The following CENPP variants were observed in gnomAD, a reference collection of about 807,000 sequenced individuals.
CENPP encodes centromere protein P.
Under a neutral mutation model 35.6 loss-of-function variants are expected in CENPP, and 24 were observed. The ratio of observed to expected loss-of-function variants is 0.67; its 90% CI spans 0.49 to 0.95. The LOEUF is 0.95. CENPP is among the 40% of genes least tolerant of loss of function. The probability of loss-of-function intolerance (pLI) is 0.00; values close to 1 mark genes in which losing one functional copy is unlikely to be tolerated. For synonymous variants in CENPP, 120 were observed against 125.5 expected, an observed-to-expected ratio of 0.96 and a Z score of 0.29; for missense variants, 332 against 345.3, an observed-to-expected ratio of 0.96 and a Z score of 0.31.
At chr9:92,401,041 T>G in intron 5 of CENPP, 1 of 850,212 alleles carries the variant, frequency 1.2e-6, no homozygotes. Flanking sequence ...ATAAAGTCCA[T>G]TATAGCTATT....
intron 5 of CENPP, among the ~76,000 whole-genome samples, chr9:92,538,865 A>T (rs1169384974): frequency 6.6e-6 from 1 of 152,198 alleles, no homozygotes; most frequent in Non-Finnish European, 1.5e-5. Flanking sequence ...AGACTCTAGG[A>T]CATTTCTTTC....
rs557327685 is a variant in CENPP, at chr9:92,390,591, C to T, written c.564+10732C>T. Among the ~76,000 whole-genome samples the T allele has an allele frequency of 1.8e-4, 26 of 141,674 alleles. No individual in the cohort carries two copies. The South Asian group carries it at 4.0e-3, about 22-fold the overall frequency. The allele number at this position is 141,674 out of a possible 152,430, so 92.9% of individuals were successfully genotyped here. On this transcript the variant is annotated intron_variant, in intron 5 of 7. Transcript: ENST00000375587. Reference sequence around the variant, plus strand: ...GTGTGTGTGTGTGTGTGTGTGTGCGCGCGCGCGTACTTGCGTGTGCATCAC... The same window carrying T: ...GTGTGTGTGTGTGTGTGTGTGTGCGTGCGCGCGTACTTGCGTGTGCATCAC...
At chr9:92,393,989 A>G (rs1842792041) in intron 5 of CENPP, among the ~76,000 whole-genome samples, 1 of 152,122 alleles carries the variant, frequency 6.6e-6, no homozygotes, top group Non-Finnish European at 1.5e-5. Context: ...CTCACTGAGT[A>G]AAGTTAATAT....
At chr9:92,569,486 T>C (rs1850080178) in intron 5 of CENPP, among the ~76,000 whole-genome samples, 2 of 152,210 alleles carry the variant, frequency 1.3e-5, no homozygotes, top group African/African-American at 4.8e-5. Flanking sequence ...ACTGTAGCCT[T>C]GTAGTATAGT....
At chr9:92,448,656 A>G (rs1266348500) in intron 5 of CENPP, among the ~76,000 whole-genome samples, 1 of 152,196 alleles carries the variant, frequency 6.6e-6, no homozygotes, top group East Asian at 1.9e-4. Context: ...ATGGGGCCAC[A>G]GGAATGGGAT....
At chr9:92,467,340 T>G (rs1016552396) in intron 5 of CENPP, among the ~76,000 whole-genome samples, 12 of 152,184 alleles carry the variant, frequency 7.9e-5, no homozygotes, top group African/African-American at 2.9e-4. Context: ...TTATGGGATG[T>G]GGGGATTTCA....
At chr9:92,579,348 G>A (rs1295249373) in intron 5 of CENPP, among the ~76,000 whole-genome samples, 3 of 148,046 alleles carry the variant, frequency 2.0e-5, no homozygotes, top group African/African-American at 7.4e-5. Flanking sequence ...AAAGTCATTG[G>A]TAGCTTGATG....
chr9:92,562,567 T>C (rs568622506), intron 5 of CENPP, among the ~76,000 whole-genome samples: 47 of 152,244 alleles, frequency 3.1e-4, no homozygotes, highest in African/African-American at 1.1e-3. Flanking sequence ...CTCTTTCATA[T>C]TGTAGGGTGT....
intron 5 of CENPP, among the ~76,000 whole-genome samples, chr9:92,566,600 C>T (rs537883617): frequency 2.0e-5 from 3 of 152,140 alleles, no homozygotes; most frequent in East Asian, 3.9e-4. Flanking sequence ...TAAAGGGATT[C>T]GAAGGCAGAT....
chr9:92,530,354 A>G (rs1588240349), intron 5 of CENPP, among the ~76,000 whole-genome samples: 1 of 152,224 alleles, frequency 6.6e-6, no homozygotes, highest in Non-Finnish European at 1.5e-5. Context: ...GGAAAAGCAC[A>G]TATGAGAACT....
intron 5 of CENPP, among the ~76,000 whole-genome samples, chr9:92,446,971 A>G (rs1301288568): frequency 6.6e-6 from 1 of 151,582 alleles, no homozygotes; most frequent in Non-Finnish European, 1.5e-5. Flanking sequence ...CACTTTAGGT[A>G]AGATAAAGTA....
In CENPP at chr9:92,455,197, A is replaced by G. The variant is rs768495361; in HGVS notation, c.564+75338A>G. On this transcript the variant is annotated intron_variant, in intron 5 of 7. Transcript: ENST00000375587. The stretch of plus-strand genomic sequence containing the variant: ...AGGATTACTTGAAGCCAGGAGTTCA[A>G]TATCAGCCTGGGCAACAAAGTGAGA... Among the ~76,000 whole-genome samples, 10 of 152,278 alleles carry G rather than the reference A, an allele frequency of 6.6e-5. No homozygotes were observed. In the East Asian group the frequency reaches 1.2e-3, roughly 18 times the overall value.
intron 5 of CENPP, among the ~76,000 whole-genome samples, chr9:92,549,662 A>T (rs1264494238): frequency 6.6e-6 from 1 of 151,726 alleles, no homozygotes; most frequent in Non-Finnish European, 1.5e-5. Context: ...AAAAAAACAA[A>T]ACAAAACAAA....
intron 1 of CENPP, among the ~76,000 whole-genome samples, chr9:92,330,828 A>T (rs1374357430): frequency 1.3e-5 from 2 of 151,766 alleles, no homozygotes; most frequent in South Asian, 4.2e-4. Flanking sequence ...AGCCAGGATT[A>T]CAGGCACCCG....
intron 5 of CENPP, chr9:92,460,546 TC>T: frequency 1.3e-6 from 2 of 1,592,766 alleles, no homozygotes; most frequent in Non-Finnish European, 8.6e-7. Context: ...TAAGTGAAGC[TC>T]CAATAAAGTT....
intron 5 of CENPP, chr9:92,494,081 C>T (rs970923283): frequency 6.3e-7 from 1 of 1,597,284 alleles, no homozygotes; most frequent in Admixed American, 1.7e-5. Flanking sequence ...TGCTTATTGC[C>T]TCTACCAGAG....
chr9:92,457,259 A>G (rs746445338), intron 5 of CENPP: 15 of 1,605,794 alleles, frequency 9.3e-6, no homozygotes, highest in Non-Finnish European at 1.2e-5. Context: ...TGAATCTTAT[A>G]TTAAATGGAC....
chr9:92,495,809 A>T, intron 5 of CENPP: 1 of 954,572 alleles, frequency 1.0e-6, no homozygotes, highest in Non-Finnish European at 1.2e-6. Flanking sequence ...ATATTCAGTT[A>T]TATTTATACC....
intron 4 of CENPP, among the ~76,000 whole-genome samples, chr9:92,346,599 G>A (rs1841301069): frequency 6.6e-6 from 1 of 152,174 alleles, no homozygotes; most frequent in Non-Finnish European, 1.5e-5. Context: ...GTTTTGAGCA[G>A]GGCCTGAGGA....
Sources: allele counts gnomAD v4.1 joint callset (sites outside exome capture counted in the v4.1 genomes callset), GRCh38; gene constraint gnomAD v4.1.1; transcripts MANE v1.5; gene names NCBI Gene and HGNC (gene_info 2026-07-23, HGNC 2026-07-21).